Variants in TRAF3 observed in about 807,000 individuals in gnomAD.
TRAF3 encodes the protein TNF receptor-associated factor 3.
TRAF3 carries 13 observed loss-of-function variants against 62.3 expected under a neutral mutation model. The observed-to-expected ratio is 0.21, with a 90% CI of 0.14 to 0.33. The LOEUF (loss-of-function observed/expected upper bound fraction) is 0.33, where lower values mean the gene tolerates loss of function less well. Among genes scored for constraint, TRAF3 ranks in the 10% least tolerant of loss-of-function variants. The pLI, the probability that TRAF3 is intolerant of heterozygous loss-of-function variation, is 1.00. For missense variants in TRAF3, 440 were observed against 741.8 expected, an observed-to-expected ratio of 0.59 and a Z score of 4.73; for synonymous variants, 269 against 283.4, an observed-to-expected ratio of 0.95 and a Z score of 0.51.
At chr14:102,814,553 T>G (rs532618866) in intron 1 of TRAF3, among the ~76,000 whole-genome samples, 2 of 152,324 alleles carry the variant, frequency 1.3e-5, no homozygotes, top group South Asian at 4.1e-4. Flanking sequence ...AGGGTCTCAC[T>G]TCGTTATCTA....
At chr14:102,816,295 GT>G (rs1461103391) in intron 1 of TRAF3, among the ~76,000 whole-genome samples, 1 of 151,870 alleles carries the variant, frequency 6.6e-6, no homozygotes, top group Admixed American at 6.6e-5. Flanking sequence ...TAGAGATGGG[GT>G]TTTACCATGT....
chr14:102,850,439 G>A lies in TRAF3; in HGVS notation c.-17-19746G>A, dbSNP rs540955196. ...AGGCCGAGCGTGCTGGCTCACACCT[G>A]TAATCCCAGCACTTTGGGAGGCCGA... is the stretch of plus-strand genomic sequence containing the variant. On this transcript the variant is annotated intron_variant, in intron 2 of 11. Transcript: ENST00000392745. Among the ~76,000 whole-genome samples the A allele has an allele frequency of 1.9e-3, 288 of 152,262 alleles. 2 individuals are homozygous for A. The highest frequency in any genetic ancestry group is 2.7e-3 in the Non-Finnish European group (187 of 68,026).
At chr14:102,859,193 CAA>C (rs34556286) in intron 2 of TRAF3, among the ~76,000 whole-genome samples, 68 of 143,882 alleles carry the variant, frequency 4.7e-4, no homozygotes, top group Middle Eastern at 3.5e-3. Flanking sequence ...TAATTTAGGC[CAA>C]AAAAAAAAAA....
At chr14:102,850,589 G>A (rs997009388) in intron 2 of TRAF3, among the ~76,000 whole-genome samples, 1 of 151,296 alleles carries the variant, frequency 6.6e-6, no homozygotes, top group African/African-American at 2.4e-5. Flanking sequence ...AGCTACTCAG[G>A]AGGCTGAGGC....
intron 1 of TRAF3, among the ~76,000 whole-genome samples, chr14:102,789,814 C>CT (rs549286028): frequency 5.9e-4 from 87 of 147,408 alleles, no homozygotes; most frequent in African/African-American, 1.6e-3. Context: ...GAATGTTAAA[C>CT]TTTTTTTTTT....
Position 102,903,475 on chromosome 14 carries a change from C to T in TRAF3, c.1135+46C>T, listed in dbSNP as rs768789653. The T allele has an allele frequency of 6.0e-5, 96 of 1,611,530 alleles. 1 individual carries two copies. Among genetic ancestry groups the T allele is most frequent in the South Asian group, 4.2e-4 (38 of 90,998 alleles). On this transcript the variant is annotated intron_variant, in intron 11 of 11. Transcript: ENST00000392745. The surrounding 1 kb of genome is among the most constrained non-coding windows in gnomAD (Gnocchi z 6.4). ...GGGCCAGCAGTGTGCATCTGGGCCC[C>T]GGGCGAGTGCTGGGGCGGGGTCCGT...
intron 2 of TRAF3, among the ~76,000 whole-genome samples, chr14:102,834,513 C>T (rs975407870): frequency 1.7e-4 from 26 of 151,654 alleles, no homozygotes; most frequent in Admixed American, 4.6e-4. Context: ...AGTGAAACCC[C>T]GTCTCTACTA....
intron 2 of TRAF3, among the ~76,000 whole-genome samples, chr14:102,845,980 CAAAAAAAA>C (rs35353834): frequency 0.023 from 1,301 of 56,826 alleles, 25 homozygotes; most frequent in African/African-American, 0.06. Context: ...GACCGTGTCT[CAAAAAAAA>C]AAAAAAAAAA....
At chr14:102,895,741 GT>G (rs1889973745) in intron 9 of TRAF3, among the ~76,000 whole-genome samples, 1 of 152,204 alleles carries the variant, frequency 6.6e-6, no homozygotes. Context: ...TTGAGACCAG[GT>G]GTTAATTTGT....
At chr14:102,802,371 G>T (rs1331475298) in intron 1 of TRAF3, among the ~76,000 whole-genome samples, 32 of 139,050 alleles carry the variant, frequency 2.3e-4, no homozygotes, top group Non-Finnish European at 4.7e-4. Flanking sequence ...AGCCAGGATG[G>T]TCTCAATCTC....
At position 102,888,216 on chromosome 14, in the gene TRAF3, G is replaced by A. The variant is rs116057505; in HGVS notation, c.652-1344G>A. Among the ~76,000 whole-genome samples the A allele has an allele frequency of 3.2e-3, 480 of 152,314 alleles. 4 individuals are homozygous for A. Among genetic ancestry groups the A allele is most frequent in the African/African-American group, 0.011 (450 of 41,564 alleles). ...AGTTTTTAAATGAACCTGGTTCTGC[G>A]CAGTCTTCACACTGCGTTTCCTTGC... is the stretch of plus-strand genomic sequence containing the variant. On this transcript the variant is annotated intron_variant, in intron 7 of 11. Coordinates refer to ENST00000392745, the MANE Select transcript of TRAF3 (RefSeq NM_145725.3).
At chr14:102,809,928 A>T (rs541293618) in intron 1 of TRAF3, among the ~76,000 whole-genome samples, 1 of 152,326 alleles carries the variant, frequency 6.6e-6, no homozygotes, top group South Asian at 2.1e-4. Context: ...AGTTAAACTG[A>T]TGAAACATAC....
At chr14:102,886,357 GT>G in intron 7 of TRAF3, 88 bp downstream of exon 7, 1 of 1,180,790 alleles carries the variant, frequency 8.5e-7, no homozygotes, top group Non-Finnish European at 1.2e-6. Flanking sequence ...GAAGCCTCAC[GT>G]TTTCCCAGTT....
rs542173853 is a variant in TRAF3, at chr14:102,823,516, G to C, written c.-156-6818G>C. ...GTTGAACTTTTAGATTTGGGAGAGGGGGAGTTCTCACAGGAATTATGAATT... is the reference window on the plus strand; with the variant it reads ...GTTGAACTTTTAGATTTGGGAGAGGCGGAGTTCTCACAGGAATTATGAATT... On this transcript the variant is annotated intron_variant, in intron 1 of 11. Transcript: ENST00000392745. 9.9e-5 allele frequency among the ~76,000 whole-genome samples: 15 copies of C among 152,246 alleles called. No individual in the cohort carries two copies. The South Asian group carries it at 3.1e-3, about 32-fold the overall frequency.
At chr14:102,847,074 A>T (rs1394830187) in intron 2 of TRAF3, among the ~76,000 whole-genome samples, 2 of 152,214 alleles carry the variant, frequency 1.3e-5, no homozygotes, top group Admixed American at 6.5e-5. Flanking sequence ...ATGTTCCATT[A>T]AAAAAATGTG....
intron 7 of TRAF3, among the ~76,000 whole-genome samples, chr14:102,886,905 G>C (rs1298081820): frequency 1.3e-5 from 2 of 152,230 alleles, no homozygotes; most frequent in Non-Finnish European, 2.9e-5. Context: ...AGTAATTGCT[G>C]TAAGATTATC....
intron 7 of TRAF3, among the ~76,000 whole-genome samples, chr14:102,887,800 T>G (rs543325595): frequency 1.7e-4 from 26 of 152,156 alleles, no homozygotes; most frequent in African/African-American, 5.8e-4. Context: ...TTTCACCTTG[T>G]TAGCCAGCAT....
In TRAF3 at chr14:102,904,095, G is replaced by C. The variant is rs1289649933; in HGVS notation, c.1135+666G>C. Reference sequence around the variant, plus strand: ...GCACAGCTGTCTCCTGCTCCCAGGAGCTCCCACCAGCGGGCTTCCCAGGAA... The same window carrying C: ...GCACAGCTGTCTCCTGCTCCCAGGACCTCCCACCAGCGGGCTTCCCAGGAA... On this transcript the variant is annotated intron_variant, in intron 11 of 11. Coordinates refer to ENST00000392745, the MANE Select transcript of TRAF3 (RefSeq NM_145725.3). Among the ~76,000 whole-genome samples the C allele has an allele frequency of 2.0e-5, 3 of 152,176 alleles. No individual in the cohort carries two copies. The East Asian group carries it at 5.8e-4, about 29-fold the overall frequency.
At chr14:102,901,311 T>C (rs939510222) in intron 10 of TRAF3, among the ~76,000 whole-genome samples, 1 of 152,190 alleles carries the variant, frequency 6.6e-6, no homozygotes, top group African/African-American at 2.4e-5. Flanking sequence ...GCGCAGCTTG[T>C]CTTGGGCCAC....
Sources: gnomAD v4.1 joint callset for allele counts (sites outside exome capture counted in the v4.1 genomes callset) on GRCh38, gnomAD v4.1.1 for gene constraint, Gnocchi (gnomAD v3.1) non-coding constraint, MANE v1.5 for transcripts, NCBI Gene and HGNC (gene_info 2026-07-23, HGNC 2026-07-21) for gene names.